Variants in ATAD5 observed in about 807,000 individuals in gnomAD.
ATAD5 encodes ATPase family AAA domain containing 5.
A neutral mutation model predicts 176.9 loss-of-function variants in ATAD5; 58 were observed. The observed-to-expected ratio is 0.33, with a 90% CI of 0.27 to 0.41. The LOEUF is 0.41. ATAD5 is among the 10% of genes least tolerant of loss of function. ATAD5 has a pLI of 1.00. For missense variants in ATAD5, 1,789 were observed against 2,094.1 expected (o/e 0.85, Z 2.84); for synonymous variants, 640 against 712.6 (o/e 0.90, Z 1.62).
In ATAD5 at chr17:30,895,329, C is replaced by T. The variant is rs1404406922; in HGVS notation, c.*416C>T. 1.3e-5 allele frequency: 2 copies of T among 150,890 alleles called. No individual in the cohort carries two copies. The highest frequency in any genetic ancestry group is 2.9e-5 in the Non-Finnish European group (2 of 68,110). 9.3% of individuals were successfully genotyped at this position (150,890 alleles called of 1,614,324 possible). On this transcript the variant is annotated 3_prime_UTR_variant, in exon 23 of 23. Transcript: ENST00000321990. ...CTAAATTTGACTGGCTTTACAAAAA[C>T]AAAAACATTATCTGGTGAATTATAT...
chr17:30,894,778 T>G (rs979281080), intron 22 of ATAD5, 56 bp downstream of exon 22: 3 of 1,555,756 alleles, frequency 1.9e-6, no homozygotes, highest in Non-Finnish European at 2.6e-6. Flanking sequence ...TTAATACATA[T>G]TTTCATAAGA....
intron 14 of ATAD5, among the ~76,000 whole-genome samples, chr17:30,870,165 C>T (rs990162924): frequency 5.3e-5 from 8 of 152,314 alleles, no homozygotes; most frequent in African/African-American, 1.9e-4. Context: ...CATACACAGT[C>T]TAATGTCAAT....
chr17:30,877,765 T>G (rs141192663), intron 16 of ATAD5, among the ~76,000 whole-genome samples: 1 of 152,324 alleles, frequency 6.6e-6, no homozygotes, highest in East Asian at 1.9e-4. Context: ...GTTAAATGAT[T>G]GTATAAATTA....
intron 20 of ATAD5, among the ~76,000 whole-genome samples, 161 bp from the exon 21 acceptor site, chr17:30,893,131 CAT>C (rs1487889082): frequency 2.6e-5 from 4 of 151,972 alleles, no homozygotes; most frequent in East Asian, 1.9e-4. Flanking sequence ...AATTTTTAGA[CAT>C]AGTACTATTT....
chr17:30,863,938 T>TA (rs1444365583), intron 10 of ATAD5: 1 of 152,142 alleles, frequency 6.6e-6, no homozygotes, highest in Admixed American at 6.6e-5. Context: ...GTGCTGGGAT[T>TA]ACAGATGTGA....
At position 30,850,716 on chromosome 17, in the gene ATAD5, A is replaced by G. The variant is rs75552015; in HGVS notation, c.2451-4427A>G. ...TCCTGGATAGTTCAATTAGGAAAGA[A>G]GAATATATAAAAGGACATAAAGGTT... On this transcript the variant is annotated intron_variant, in intron 6 of 22. Coordinates refer to ENST00000321990, the MANE Select transcript of ATAD5 (RefSeq NM_024857.5). Among the ~76,000 whole-genome samples the G allele has an allele frequency of 6.9e-3, 1,044 of 150,798 alleles. 8 individuals are homozygous for G. Among genetic ancestry groups the G allele is most frequent in the African/African-American group, 0.024 (992 of 41,166 alleles).
chr17:30,848,901 C>T (rs944528056), intron 6 of ATAD5, among the ~76,000 whole-genome samples: 2 of 152,092 alleles, frequency 1.3e-5, no homozygotes, highest in African/African-American at 4.8e-5. Flanking sequence ...GACAGAGTCT[C>T]GCTCTGTCGC....
rs528693438 is a variant in ATAD5, at chr17:30,849,123, G to T, written c.2450+4207G>T. On this transcript the variant is annotated intron_variant, in intron 6 of 22. Coordinates refer to ENST00000321990, the MANE Select transcript of ATAD5 (RefSeq NM_024857.5). The stretch of plus-strand genomic sequence containing the variant: ...TGACCTCCAGTGATCTGCCTGCCTC[G>T]GCCTCCCAAAGTGCTAGGATTACAG... Among the ~76,000 whole-genome samples, 48 of 152,186 alleles carry T rather than the reference G, an allele frequency of 3.2e-4. No homozygotes were observed. The South Asian group carries it at 1.0e-2, about 32-fold the overall frequency.
intron 1 of ATAD5, among the ~76,000 whole-genome samples, chr17:30,832,733 CAGGGTCA>C (rs1374082297): frequency 2.0e-5 from 3 of 152,134 alleles, no homozygotes; most frequent in Non-Finnish European, 4.4e-5. Context: ...CAGAGGATCC[CAGGGTCA>C]AGTTCTGGGT....
chr17:30,841,062 T>TCCA (rs762777874), intron 4 of ATAD5, among the ~76,000 whole-genome samples: 29,315 of 151,422 alleles, frequency 0.19, 3,479 homozygotes, highest in Non-Finnish European at 0.27. Context: ...CAGGCGAGAG[T>TCCA]GCAATGGCTG....
In ATAD5 at chr17:30,855,173, T is replaced by A; in HGVS notation, c.2481T>A (p.Cys827Ter). ...ATACATCTGAAAAATCTCAGGATTG[T>A]GATGTTCAATGTAAAGCAAAGCGTG... is the stretch of plus-strand genomic sequence containing the variant. ...SQDTSEKSQD[C>*]DVQCKAKRDF... is the part of the protein sequence containing the mutation. The change falls in exon 7 of 23, where the codon TGT becomes TGA. Residue 827 changes from cysteine (C) to a stop codon, truncating the protein, a stop_gained. Coordinates refer to ENST00000321990, the MANE Select transcript of ATAD5 (RefSeq NM_024857.5). LOFTEE classifies it high-confidence loss of function. The A allele has an allele frequency of 6.2e-7, 1 of 1,609,038 alleles. No homozygotes were observed. Among genetic ancestry groups the A allele is most frequent in the Non-Finnish European group, 8.5e-7 (1 of 1,178,652 alleles).
intron 9 of ATAD5, among the ~76,000 whole-genome samples, chr17:30,858,584 C>T (rs1907427801): frequency 1.3e-5 from 2 of 152,034 alleles, no homozygotes; most frequent in South Asian, 4.2e-4. Flanking sequence ...TGGGGTTTCA[C>T]CATGTTGGCC....
Position 30,840,643 on chromosome 17 carries a change from A to G in ATAD5, c.2103A>G (p.Ser701=). Residue 701 remains serine (S), a synonymous_variant, in exon 4 of 23, where the codon TCA becomes TCG. Transcript: ENST00000321990. ...RKASNTSKNI[S]KAKQLIEKAK... ...CAAGCAATACTTCAAAAAACATATCAAAAGCAAAACAATTGATTGAAAAAG... is the reference window on the plus strand; with the variant it reads ...CAAGCAATACTTCAAAAAACATATCGAAAGCAAAACAATTGATTGAAAAAG... The G allele has an allele frequency of 6.4e-7, 1 of 1,563,534 alleles. No individual in the cohort carries two copies. The highest frequency in any genetic ancestry group is 1.2e-5 in the South Asian group (1 of 80,372).
intron 10 of ATAD5, among the ~76,000 whole-genome samples, chr17:30,863,453 G>A (rs1171244204): frequency 6.7e-6 from 1 of 149,586 alleles, no homozygotes; most frequent in East Asian, 2.0e-4. Flanking sequence ...TGCAAGCTCC[G>A]CCTCCTGGGT....
intron 3 of ATAD5, among the ~76,000 whole-genome samples, chr17:30,838,377 G>T (rs567124194): frequency 1.3e-5 from 2 of 152,106 alleles, no homozygotes; most frequent in Admixed American, 1.3e-4. Flanking sequence ...GTCATTTTTT[G>T]GCATCTTACC....
chr17:30,840,043 C>A (rs915684433), intron 3 of ATAD5, among the ~76,000 whole-genome samples: 1 of 151,662 alleles, frequency 6.6e-6, no homozygotes, highest in African/African-American at 2.4e-5. Context: ...ACTAAAAATA[C>A]GAAAATTAGC....
At chr17:30,873,787 G>T (rs1288614727) in intron 14 of ATAD5, among the ~76,000 whole-genome samples, 2 of 150,576 alleles carry the variant, frequency 1.3e-5, no homozygotes, top group African/African-American at 4.9e-5. Flanking sequence ...GAACTCCTGG[G>T]CTCAGATGAT....
Position 30,844,831 on chromosome 17 carries a change from T to A in ATAD5, c.2369-4T>A. 6.3e-7 allele frequency: 1 copy of A among 1,588,284 alleles called. No individual in the cohort carries two copies. The highest frequency in any genetic ancestry group is 2.3e-5 in the East Asian group (1 of 44,336). ...ATACTAACCCAAGTATTTATTTTTC[T>A]AAGGAAAAATGAAAGTCGCTCCTTT... On this transcript the variant is annotated splice_region_variant and splice_polypyrimidine_tract_variant and intron_variant, in intron 5 of 22. Transcript: ENST00000321990.
rs184164331 is a variant in ATAD5, at chr17:30,893,593, C to A, written c.4740C>A (p.Asp1580Glu). The A allele has an allele frequency of 6.2e-7, 1 of 1,613,884 alleles. No homozygotes were observed. Among genetic ancestry groups the A allele is most frequent in the Admixed American group, 1.7e-5 (1 of 59,980 alleles). ...TATTAGATGATAGTGATCTATTTGACACTGACTTGGACTTTCCTGATCAAT... is the reference window on the plus strand; with the variant it reads ...TATTAGATGATAGTGATCTATTTGAAACTGACTTGGACTTTCCTGATCAAT... ...LVILDDSDLF[D>E]TDLDFPDQSI... Residue 1580 changes from aspartate (D) to glutamate (E), a missense_variant, in exon 21 of 23, where the codon GAC (aspartate) becomes GAA (glutamate). By Grantham distance (45) the Asp-to-Glu change is conservative. Around this residue, in one of 6 missense-constraint regions of ATAD5, gnomAD observed 403 missense variants for 495.1 expected, o/e 0.81. Transcript: ENST00000321990.
Sources: gnomAD v4.1 joint callset for allele counts (sites outside exome capture counted in the v4.1 genomes callset) on GRCh38, gnomAD v4.1.1 for gene constraint, gnomAD v4.1.1 regional missense constraint, MANE v1.5 for transcripts, NCBI Gene and HGNC (gene_info 2026-07-23, HGNC 2026-07-21) for gene names.